The following KANSL1 variants were observed in gnomAD, a reference collection of about 807,000 sequenced individuals.
KANSL1 encodes the protein KAT8 regulatory NSL complex subunit 1, also known as MLL1/MLL complex subunit KANSL1.
A neutral mutation model predicts 103.6 loss-of-function variants in KANSL1; 22 were observed. That is an observed-to-expected ratio of 0.21 (90% confidence interval 0.15 to 0.30). The LOEUF (loss-of-function observed/expected upper bound fraction) is 0.30. KANSL1 is among the 10% of genes least tolerant of loss of function. The pLI, the probability that KANSL1 is intolerant of heterozygous loss-of-function variation, is 1.00. For synonymous variants in KANSL1, 600 were observed against 527.6 expected (o/e 1.14, Z -1.88); for missense variants, 1,337 against 1,399.8 (o/e 0.96, Z 0.72).
chr17:46,122,141 C>A (rs2043308553), intron 2 of KANSL1, among the ~76,000 whole-genome samples: 3 of 152,304 alleles, frequency 2.0e-5, no homozygotes, highest in Admixed American at 2.0e-4. Context: ...GTGCTAGCAA[C>A]TACAGTCTAA....
intron 10 of KANSL1, chr17:46,035,162 G>C (rs1216784206): frequency 6.6e-6 from 1 of 152,272 alleles, no homozygotes; most frequent in Non-Finnish European, 1.5e-5. Context: ...ACCCTATCCT[G>C]AAACAGAGAC....
chr17:46,046,999 G>A (rs946562013), intron 7 of KANSL1, among the ~76,000 whole-genome samples: 1 of 152,064 alleles, frequency 6.6e-6, no homozygotes, highest in African/African-American at 2.4e-5. Context: ...TCTGGAATCT[G>A]AAGCACAGAG....
At chr17:46,173,278 T>G (rs1028505845) in intron 1 of KANSL1, among the ~76,000 whole-genome samples, 1 of 152,206 alleles carries the variant, frequency 6.6e-6, no homozygotes, top group Admixed American at 6.6e-5. Context: ...GAAAAACTTC[T>G]GAGCTGCACT....
intron 6 of KANSL1, among the ~76,000 whole-genome samples, chr17:46,063,550 T>C (rs1035698572): frequency 1.3e-5 from 2 of 152,224 alleles, no homozygotes; most frequent in Non-Finnish European, 2.9e-5. Flanking sequence ...ATCTAGTACA[T>C]GGTATATTTC....
chr17:46,163,884 C>A (rs1051021939), intron 2 of KANSL1, among the ~76,000 whole-genome samples: 23 of 152,238 alleles, frequency 1.5e-4, no homozygotes, highest in African/African-American at 5.5e-4. Context: ...AAGCCCTATA[C>A]CTTTCAACTT....
At chr17:46,118,761 G>A (rs2043151556) in intron 2 of KANSL1, among the ~76,000 whole-genome samples, 1 of 152,188 alleles carries the variant, frequency 6.6e-6, no homozygotes, top group Non-Finnish European at 1.5e-5. Context: ...AGGAAGAGTA[G>A]AAAAGCCGAC....
chr17:46,148,399 T>C (rs2044856090), intron 2 of KANSL1, among the ~76,000 whole-genome samples: 1 of 152,232 alleles, frequency 6.6e-6, no homozygotes, highest in South Asian at 2.1e-4. Flanking sequence ...GGTTGGACCA[T>C]GACAAAAACC....
At chr17:46,061,151 G>C (rs930342364) in intron 6 of KANSL1, among the ~76,000 whole-genome samples, 5 of 152,070 alleles carry the variant, frequency 3.3e-5, no homozygotes. Flanking sequence ...GGTTTCCACT[G>C]CCAGACTATA....
At chr17:46,104,973 G>A (rs759880583) in intron 2 of KANSL1, among the ~76,000 whole-genome samples, 9 of 152,164 alleles carry the variant, frequency 5.9e-5, no homozygotes, top group South Asian at 2.1e-4. Context: ...CCGTCACCAC[G>A]CCTCGCTAAT....
At chr17:46,176,415 G>T (rs1194773336) in intron 1 of KANSL1, among the ~76,000 whole-genome samples, 1 of 152,166 alleles carries the variant, frequency 6.6e-6, no homozygotes, top group African/African-American at 2.4e-5. Flanking sequence ...CTCCAGCTGG[G>T]CACAGTGGCT....
At chr17:46,162,035 T>C (rs745534048) in intron 2 of KANSL1, among the ~76,000 whole-genome samples, 8 of 152,260 alleles carry the variant, frequency 5.3e-5, no homozygotes, top group Non-Finnish European at 7.3e-5. Context: ...AGGACACAGT[T>C]GCCACAAAGC....
chr17:46,076,986 C>A (rs76277719), intron 4 of KANSL1, among the ~76,000 whole-genome samples: 2 of 152,126 alleles, frequency 1.3e-5, no homozygotes, highest in African/African-American at 2.4e-5. Context: ...TTTTGCCCTA[C>A]CTTTTCCAAT....
Position 46,165,425 on chromosome 17 carries a change from C to T in KANSL1, c.1289+5430G>A, listed in dbSNP as rs555512663. On this transcript the variant is annotated intron_variant, in intron 2 of 14. Transcript: ENST00000432791. ...TTTTTTGAATTTTTAGTAGAGACGG[C>T]GTTTCACCGTGTTAGCCAGGATGGT... Among the ~76,000 whole-genome samples the T allele has an allele frequency of 3.7e-4, 56 of 151,950 alleles. No homozygotes were observed. The South Asian group carries it at 0.011, about 30-fold the overall frequency.
At chr17:46,068,572 G>GAATA (rs1428718031) in intron 4 of KANSL1, among the ~76,000 whole-genome samples, 9 of 151,716 alleles carry the variant, frequency 5.9e-5, no homozygotes, top group Non-Finnish European at 1.2e-4. Flanking sequence ...CTGTCTCAAT[G>GAATA]AATAAATAAA....
intron 1 of KANSL1, among the ~76,000 whole-genome samples, chr17:46,206,954 C>T (rs2047988579): frequency 6.6e-6 from 1 of 151,932 alleles, no homozygotes; most frequent in Non-Finnish European, 1.5e-5. Context: ...TTAAAGAACT[C>T]TTACAACTCA....
intron 1 of KANSL1, among the ~76,000 whole-genome samples, chr17:46,199,638 G>A (rs1328249798): frequency 2.0e-5 from 3 of 152,148 alleles, no homozygotes; most frequent in Non-Finnish European, 4.4e-5. Flanking sequence ...ACAAACTGCA[G>A]GATTTACATA....
chr17:46,186,629 G>A (rs2047048674), intron 1 of KANSL1, among the ~76,000 whole-genome samples: 1 of 152,238 alleles, frequency 6.6e-6, no homozygotes, highest in Admixed American at 6.5e-5. Flanking sequence ...CCAATTTTTT[G>A]GAGACATGCT....
At chr17:46,222,828 C>T (rs1162003577) in intron 1 of KANSL1, 1 of 152,188 alleles carries the variant, frequency 6.6e-6, no homozygotes, top group Non-Finnish European at 1.5e-5. Context: ...TCCTCCCATC[C>T]CCTCCTTACG....
At chr17:46,212,621 T>C (rs189794287) in intron 1 of KANSL1, among the ~76,000 whole-genome samples, 6 of 152,350 alleles carry the variant, frequency 3.9e-5, no homozygotes, top group African/African-American at 1.4e-4. Flanking sequence ...AGGTTTATTC[T>C]CAATTCTCAC....
Sources: allele counts gnomAD v4.1 joint callset (sites outside exome capture counted in the v4.1 genomes callset), GRCh38; gene constraint gnomAD v4.1.1; transcripts MANE v1.5; gene names NCBI Gene and HGNC (gene_info 2026-07-23, HGNC 2026-07-21).